Variants in TM6SF1 observed in about 807,000 individuals in gnomAD.
TM6SF1 encodes transmembrane 6 superfamily member 1.
Under a neutral mutation model 47.1 loss-of-function variants are expected in TM6SF1, and 43 were observed. The observed-to-expected ratio is 0.91, with a 90% CI of 0.72 to 1.18. TM6SF1 has a LOEUF of 1.18. Ranked by LOEUF, TM6SF1 falls within the 50% of genes most tolerant of loss-of-function variation. TM6SF1 has a pLI of 0.00. For synonymous variants in TM6SF1, 177 were observed against 166.3 expected (o/e 1.06, Z -0.49); for missense variants, 390 against 449.0 (o/e 0.87, Z 1.19).
At chr15:83,116,560 G>A (rs997334257) in intron 3 of TM6SF1, among the ~76,000 whole-genome samples, 5 of 152,178 alleles carry the variant, frequency 3.3e-5, no homozygotes, top group Non-Finnish European at 5.9e-5. Context: ...TTGTATGTAC[G>A]CTGTGGGAGT....
chr15:83,133,875 G>A (rs2036434478), intron 9 of TM6SF1: 1 of 152,234 alleles, frequency 6.6e-6, no homozygotes, highest in South Asian at 2.1e-4. Flanking sequence ...CTATGGTCAG[G>A]TGCTCACTCA....
intron 6 of TM6SF1, among the ~76,000 whole-genome samples, chr15:83,123,734 TAGTC>T (rs2035477581): frequency 6.6e-6 from 1 of 152,158 alleles, no homozygotes; most frequent in South Asian, 2.1e-4. Context: ...AAAAAGCAAA[TAGTC>T]AGTCCACCCT....
At chr15:83,126,178 GA>G in intron 7 of TM6SF1, among the ~76,000 whole-genome samples, 1 of 152,094 alleles carries the variant, frequency 6.6e-6, no homozygotes, top group Non-Finnish European at 1.5e-5. Context: ...ATCTAGGTGG[GA>G]CAACATTTAT....
At chr15:83,133,277 T>TATC (rs1459235809) in intron 9 of TM6SF1, 2 of 152,260 alleles carry the variant, frequency 1.3e-5, no homozygotes, top group African/African-American at 4.8e-5. Context: ...AGACCCTGGC[T>TATC]ATCATCCCAA....
chr15:83,136,503 C>T lies in TM6SF1; in HGVS notation c.944C>T (p.Ala315Val), dbSNP rs769004383. The T allele has an allele frequency of 1.9e-6, 3 of 1,584,928 alleles. No homozygotes were observed. In the South Asian group the frequency reaches 3.5e-5, roughly 19 times the overall value. ...LAQAQFSHIG[A>V]SLHARTAYVY... ...CAGGCTCAGTTTTCTCACATTGGTGCATCTCTTCATGCTAGAACTGCTTAT... is the reference window on the plus strand; with the variant it reads ...CAGGCTCAGTTTTCTCACATTGGTGTATCTCTTCATGCTAGAACTGCTTAT... The change falls in exon 10 of 10, where the codon GCA (alanine) becomes GTA (valine). Residue 315 changes from alanine to valine, a missense_variant. By Grantham distance (64) the Ala-to-Val change is moderately conservative (BLOSUM62 0). Transcript: ENST00000322019.
chr15:83,112,263 T>C (rs2151335361), intron 1 of TM6SF1, among the ~76,000 whole-genome samples: 1 of 152,286 alleles, frequency 6.6e-6, no homozygotes, highest in Admixed American at 6.5e-5. Flanking sequence ...TCTCCATGGA[T>C]TTCCTGGCCT....
At chr15:83,120,587 CTTTTTTTTT>C (rs993490763) in intron 4 of TM6SF1, among the ~76,000 whole-genome samples, 23 of 125,958 alleles carry the variant, frequency 1.8e-4, no homozygotes, top group African/African-American at 6.1e-4. Flanking sequence ...CCAGCTAATT[CTTTTTTTTT>C]TTTTTTTTTT....
intron 1 of TM6SF1, among the ~76,000 whole-genome samples, chr15:83,109,591 C>T (rs903384726): frequency 5.3e-5 from 8 of 152,156 alleles, no homozygotes; most frequent in Non-Finnish European, 1.2e-4. Flanking sequence ...CTGTCTGCTT[C>T]CCCATAAGTC....
chr15:83,110,905 C>G (rs1265816731), intron 1 of TM6SF1, among the ~76,000 whole-genome samples: 1 of 152,200 alleles, frequency 6.6e-6, no homozygotes, highest in African/African-American at 2.4e-5. Context: ...GACTCTTGCT[C>G]TGTCATCCAA....
chr15:83,123,364 G>C (rs2035445849), intron 6 of TM6SF1, among the ~76,000 whole-genome samples: 1 of 152,170 alleles, frequency 6.6e-6, no homozygotes, highest in African/African-American at 2.4e-5. Flanking sequence ...GGACATCTGA[G>C]ACACCTCCCT....
At position 83,136,771 on chromosome 15, in the gene TM6SF1, TAAG is replaced by T; in HGVS notation, c.*102_*104del. On this transcript the variant is annotated 3_prime_UTR_variant, in exon 10 of 10. Coordinates refer to ENST00000322019, the MANE Select transcript of TM6SF1 (RefSeq NM_023003.5). ...CACTCTCTTCTCATACGTGAGTACT[TAAG>T]AATATGTACATTCTTGCTCTGCACT... is the stretch of plus-strand genomic sequence containing the variant. The T allele has an allele frequency of 2.0e-6, 2 of 986,754 alleles. No homozygotes were observed. The highest frequency in any genetic ancestry group is 3.0e-6 in the Non-Finnish European group (2 of 667,824). 61.1% of individuals were successfully genotyped at this position (986,754 alleles called of 1,614,324 possible). A position where few individuals can be genotyped will look rare whatever the true frequency, so the allele number is the denominator to read the frequency against.
Position 83,126,735 on chromosome 15 carries a change from G to T in TM6SF1, c.709-20G>T. ...CCAGATGTGATTGTATTTTTATAAT[G>T]AGTTTATTTTTGTCCTTAGATTGCT... On this transcript the variant is annotated intron_variant, in intron 7 of 9. Transcript: ENST00000322019. 9 of 1,587,080 alleles carry T rather than the reference G, an allele frequency of 5.7e-6. No individual in the cohort carries two copies. Among genetic ancestry groups the T allele is most frequent in the Non-Finnish European group, 7.8e-6 (9 of 1,161,176 alleles).
At chr15:83,119,875 C>T in intron 4 of TM6SF1, 194 bp downstream of exon 4, 1 of 753,154 alleles carries the variant, frequency 1.3e-6, no homozygotes, top group Non-Finnish European at 2.0e-6. Context: ...CTGAATTGCT[C>T]CCTAGCATGG....
At position 83,135,453 on chromosome 15, in the gene TM6SF1, T is replaced by C. The variant is rs2036544236; in HGVS notation, c.922-1028T>C. On this transcript the variant is annotated intron_variant, in intron 9 of 9. Transcript: ENST00000322019. ...TGATGAACTGATAATTTACTACTTA[T>C]TACATTTAGATTCCCAATCCTTTAT... The C allele has an allele frequency of 3.3e-5, 5 of 152,358 alleles. No individual in the cohort carries two copies. In the South Asian group the frequency reaches 1.0e-3, roughly 32 times the overall value. The allele number at this position is 152,358 out of a possible 1,614,324, so 9.4% of individuals were successfully genotyped here. A position where few individuals can be genotyped will look rare whatever the true frequency, so the allele number is the denominator to read the frequency against.
intron 9 of TM6SF1, chr15:83,132,741 A>C (rs921765056): frequency 7.2e-5 from 11 of 152,114 alleles, no homozygotes; most frequent in Admixed American, 2.0e-4. Flanking sequence ...CGTTAAGAAA[A>C]ATCTGAAAGT....
intron 1 of TM6SF1, among the ~76,000 whole-genome samples, chr15:83,111,072 A>C (rs539108512): frequency 2.6e-5 from 4 of 152,072 alleles, no homozygotes; most frequent in African/African-American, 9.6e-5. Context: ...GGGTTTCACC[A>C]TGTTGGCCAG....
At chr15:83,113,095 C>T in intron 2 of TM6SF1, 195 bp downstream of exon 2, 1 of 593,200 alleles carries the variant, frequency 1.7e-6, no homozygotes, top group Non-Finnish European at 3.0e-6. Context: ...CACCCTCTCC[C>T]AGGTGGCATC....
intron 1 of TM6SF1, among the ~76,000 whole-genome samples, chr15:83,110,686 C>A (rs1487405630): frequency 2.6e-5 from 4 of 152,144 alleles, no homozygotes; most frequent in Non-Finnish European, 2.9e-5. Flanking sequence ...CCACCTCTTC[C>A]CTCATGGGAT....
At chr15:83,128,795 C>G (rs1177007581) in intron 9 of TM6SF1, 1 of 152,140 alleles carries the variant, frequency 6.6e-6, no homozygotes, top group Non-Finnish European at 1.5e-5. Flanking sequence ...ATTATTTACA[C>G]TCCTCATCCT....
Sources: gnomAD v4.1 joint callset for allele counts (sites outside exome capture counted in the v4.1 genomes callset) on GRCh38, gnomAD v4.1.1 for gene constraint, MANE v1.5 for transcripts, NCBI Gene and HGNC (gene_info 2026-07-23, HGNC 2026-07-21) for gene names.